Variants in IARS1 observed in about 807,000 individuals in gnomAD.
IARS1 encodes isoleucine--tRNA ligase, cytoplasmic.
A neutral mutation model predicts 168.2 loss-of-function variants in IARS1; 124 were observed. The observed-to-expected ratio is 0.74, with a 90% CI of 0.64 to 0.86. The LOEUF is 0.86. IARS1 is among the 40% of genes least tolerant of loss of function. IARS1 has a pLI of 0.00. For synonymous variants in IARS1, 532 were observed against 529.4 expected, an observed-to-expected ratio of 1.00 and a Z score of -0.07; for missense variants, 1,452 against 1,515.8, an observed-to-expected ratio of 0.96 and a Z score of 0.70.
chr9:92,265,250 A>G (rs879061178), intron 15 of IARS1, 127 bp from the exon 16 acceptor site: 4 of 897,554 alleles, frequency 4.5e-6, no homozygotes, highest in South Asian at 1.8e-5. Context: ...AATATCAGCA[A>G]TTCTCAAAGG....
At chr9:92,284,319 TA>T (rs1334086782) in intron 6 of IARS1, among the ~76,000 whole-genome samples, 2 of 152,234 alleles carry the variant, frequency 1.3e-5, no homozygotes, top group Non-Finnish European at 2.9e-5. Context: ...AATAATATGA[TA>T]TCTGGAATTT....
chr9:92,292,483 T>C (rs1005923301), intron 1 of IARS1: 2 of 155,672 alleles, frequency 1.3e-5, no homozygotes, highest in East Asian at 1.9e-4. Context: ...GACCGGGCTA[T>C]GGCAGCTGCT....
At chr9:92,258,196 T>C (rs1831000545) in intron 19 of IARS1, among the ~76,000 whole-genome samples, 1 of 152,144 alleles carries the variant, frequency 6.6e-6, no homozygotes, top group Non-Finnish European at 1.5e-5. Context: ...CTGGGTGCTC[T>C]CTCTAAAAGT....
intron 30 of IARS1, among the ~76,000 whole-genome samples, chr9:92,236,890 G>T (rs931563908): frequency 6.6e-6 from 1 of 152,168 alleles, no homozygotes; most frequent in African/African-American, 2.4e-5. Context: ...TTGCGTTTTT[G>T]ATTTTGGCAA....
intron 31 of IARS1, among the ~76,000 whole-genome samples, chr9:92,227,534 C>G (rs1369497536): frequency 6.7e-6 from 1 of 150,164 alleles, no homozygotes; most frequent in African/African-American, 2.5e-5. Flanking sequence ...CCTCACCTCC[C>G]GGACGGGGCG....
chr9:92,243,220 T>C lies in IARS1; in HGVS notation c.2996A>G (p.Lys999Arg). The change falls in exon 28 of 34, where the codon AAA (lysine) becomes AGA (arginine). Residue 999 changes from lysine (K) to arginine (R), a missense_variant. Coordinates refer to ENST00000443024, the MANE Select transcript of IARS1 (RefSeq NM_002161.6). ...EVINRIQKLR[K>R]KCNLVPTDEI... is the part of the protein sequence containing the mutation. ...ATTCTTAACTGACAAACTAACCTTT[T>C]TGCGAAGTTTCTGTATGCGATTGAT... The C allele has an allele frequency of 6.2e-7, 1 of 1,612,662 alleles. No individual in the cohort carries two copies. The highest frequency in any genetic ancestry group is 1.7e-5 in the Admixed American group (1 of 60,006).
Position 92,245,768 on chromosome 9 carries a change from A to AT in IARS1, c.2792-698dup, listed in dbSNP as rs572872450. On this transcript the variant is annotated intron_variant, in intron 26 of 33. Coordinates refer to ENST00000443024, the MANE Select transcript of IARS1 (RefSeq NM_002161.6). ...ATTTCAAATAAGGTTTAGCCCAGGA[A>AT]TTTTTTTTTTTTTTTTGAGACAGAG... Among the ~76,000 whole-genome samples the AT allele has an allele frequency of 1.9e-3, 269 of 143,330 alleles. 1 individual carries two copies. Among genetic ancestry groups the AT allele is most frequent in the Admixed American group, 2.1e-3 (30 of 14,326 alleles). 94.0% of individuals were successfully genotyped at this position (143,330 alleles called of 152,430 possible).
intron 8 of IARS1, 50 bp downstream of exon 8, chr9:92,278,149 C>T: frequency 1.7e-6 from 2 of 1,183,630 alleles, no homozygotes; most frequent in Non-Finnish European, 2.5e-6. Context: ...ACTAAAGACA[C>T]ACATACAGAC....
chr9:92,289,062 G>C (rs992107960), intron 2 of IARS1, among the ~76,000 whole-genome samples: 2 of 151,842 alleles, frequency 1.3e-5, no homozygotes, highest in Admixed American at 1.3e-4. Flanking sequence ...ACAAGAATTA[G>C]CTGGTGTGAT....
At position 92,253,404 on chromosome 9, in the gene IARS1, A is replaced by G. The variant is rs1182842352; in HGVS notation, c.2187T>C (p.Ile729=). ...TCATTCTAACATACCAATTGGTCAG[A>G]ATATCTACAAACTTGACCAGGCGAG... ...VVPRLVKFVD[I]LTNWYVRMNR... Residue 729 remains isoleucine (I), a synonymous_variant, in exon 21 of 34, where the codon ATT becomes ATC. Coordinates refer to ENST00000443024, the MANE Select transcript of IARS1 (RefSeq NM_002161.6). 1 of 1,613,916 alleles carries G rather than the reference A, an allele frequency of 6.2e-7. No individual in the cohort carries two copies. The highest frequency in any genetic ancestry group is 1.7e-5 in the Admixed American group (1 of 60,028).
At chr9:92,225,402 T>C (rs1212249047) in intron 31 of IARS1, among the ~76,000 whole-genome samples, 1 of 152,176 alleles carries the variant, frequency 6.6e-6, no homozygotes, top group East Asian at 1.9e-4. Flanking sequence ...TGAAATATTT[T>C]AACGGGTTAA....
intron 33 of IARS1, among the ~76,000 whole-genome samples, chr9:92,217,941 T>C (rs1394302686): frequency 6.6e-6 from 1 of 152,196 alleles, no homozygotes; most frequent in Non-Finnish European, 1.5e-5. Flanking sequence ...AGCATCATTC[T>C]GATACCAAAG....
intron 6 of IARS1, among the ~76,000 whole-genome samples, chr9:92,283,084 G>A (rs897942844): frequency 1.1e-4 from 16 of 151,906 alleles, no homozygotes; most frequent in African/African-American, 3.9e-4. Context: ...CCAAAAGTGC[G>A]AGGATTTCAG....
intron 30 of IARS1, among the ~76,000 whole-genome samples, chr9:92,229,755 C>T (rs1414439896): frequency 6.6e-6 from 1 of 152,212 alleles, no homozygotes; most frequent in Admixed American, 6.5e-5. Context: ...GTGTATACCA[C>T]AACCAGCATA....
chr9:92,210,213 A>T lies in IARS1; in HGVS notation c.*594T>A, dbSNP rs1837547159. On this transcript the variant is annotated 3_prime_UTR_variant, in exon 34 of 34. Transcript: ENST00000443024. ...CTCAAATTATCACCTGGGATTTTGG[A>T]AAGAAGTTTTATTAGATGTCTAGTC... is the stretch of plus-strand genomic sequence containing the variant. 6.5e-6 allele frequency: 1 copy of T among 154,378 alleles called. No individual in the cohort carries two copies. The highest frequency in any genetic ancestry group is 1.4e-5 in the Non-Finnish European group (1 of 69,324). 9.6% of individuals were successfully genotyped at this position (154,378 alleles called of 1,614,324 possible).
intron 4 of IARS1, 88 bp downstream of exon 4, chr9:92,287,702 TA>T: frequency 5.8e-6 from 8 of 1,378,326 alleles, no homozygotes; most frequent in Non-Finnish European, 5.8e-6. Flanking sequence ...AATAAATTAA[TA>T]AAAAAAGCAC....
At position 92,243,211 on chromosome 9, in the gene IARS1, C is replaced by G. The variant is rs780059717; in HGVS notation, c.3000+5G>C. ...CAGTAGCTTATTCTTAACTGACAAACTAACCTTTTTGCGAAGTTTCTGTAT... is the reference window on the plus strand; with the variant it reads ...CAGTAGCTTATTCTTAACTGACAAAGTAACCTTTTTGCGAAGTTTCTGTAT... On this transcript the variant is annotated splice_donor_5th_base_variant and intron_variant, in intron 28 of 33. Transcript: ENST00000443024. The G allele has an allele frequency of 3.7e-6, 6 of 1,610,652 alleles. No homozygotes were observed. Among genetic ancestry groups the G allele is most frequent in the East Asian group, 4.5e-5 (2 of 44,834 alleles).
chr9:92,240,977 C>T lies in IARS1; in HGVS notation c.3178-16G>A, dbSNP rs751178239. 1.8e-5 allele frequency: 27 copies of T among 1,491,046 alleles called. No individual in the cohort carries two copies. Among genetic ancestry groups the T allele is most frequent in the Non-Finnish European group, 2.5e-5 (27 of 1,068,850 alleles). The allele number at this position is 1,491,046 out of a possible 1,614,324, so 92.4% of individuals were successfully genotyped here. A position where few individuals can be genotyped will look rare whatever the true frequency, so the allele number is the denominator to read the frequency against. The stretch of plus-strand genomic sequence containing the variant: ...ATCCCTTCAACTGAGCACATGAGAA[C>T]GTATGACTGAGTAACTGTGGCACCT... On this transcript the variant is annotated splice_polypyrimidine_tract_variant and intron_variant, in intron 29 of 33. Transcript: ENST00000443024.
chr9:92,225,537 C>G (rs112845862), intron 31 of IARS1, among the ~76,000 whole-genome samples: 2 of 150,464 alleles, frequency 1.3e-5, no homozygotes, highest in Non-Finnish European at 1.5e-5. Context: ...ATGAAGTTAG[C>G]ATCTTTGAAG....
Sources: gnomAD v4.1 joint callset for allele counts (sites outside exome capture counted in the v4.1 genomes callset) on GRCh38, gnomAD v4.1.1 for gene constraint, MANE v1.5 for transcripts, NCBI Gene and HGNC (gene_info 2026-07-23, HGNC 2026-07-21) for gene names.